Variants in CASZ1 observed in about 807,000 individuals in gnomAD.
CASZ1 encodes zinc finger protein castor homolog 1.
In CASZ1, 28 loss-of-function variants were observed where a neutral mutation model predicts 135.2. The ratio of observed to expected loss-of-function variants is 0.21; its 90% CI spans 0.15 to 0.28. The LOEUF (loss-of-function observed/expected upper bound fraction) is 0.28, where lower values mean the gene tolerates loss of function less well. CASZ1 is among the 10% of genes least tolerant of loss of function. The probability of loss-of-function intolerance (pLI) is 1.00; values close to 1 mark genes in which losing one functional copy is unlikely to be tolerated. For synonymous variants in CASZ1, 1,068 were observed against 1,073.4 expected (o/e 0.99, Z 0.10); for missense variants, 2,161 against 2,453.3 (o/e 0.88, Z 2.52).
In CASZ1 at chr1:10,694,317, C is replaced by T; in HGVS notation, c.-23-405G>A. The T allele has an allele frequency of 1.7e-5, 20 of 1,158,060 alleles. No homozygotes were observed. The highest frequency in any genetic ancestry group is 2.1e-5 in the Non-Finnish European group (19 of 915,340). 71.7% of individuals were successfully genotyped at this position (1,158,060 alleles called of 1,614,324 possible). On this transcript the variant is annotated intron_variant, in intron 3 of 20. Transcript: ENST00000377022. The surrounding 1 kb of genome is among the most constrained non-coding windows in gnomAD (Gnocchi z 6.6). Reference sequence around the variant, plus strand: ...CTCACCATAGTCGGAGAGTCGAAAGCCGAATTCACTTAAATAATCAACTTT... The same window carrying T: ...CTCACCATAGTCGGAGAGTCGAAAGTCGAATTCACTTAAATAATCAACTTT...
At chr1:10,687,467 C>T (rs919146792) in intron 4 of CASZ1, among the ~76,000 whole-genome samples, 2 of 152,250 alleles carry the variant, frequency 1.3e-5, no homozygotes, top group East Asian at 1.9e-4. Flanking sequence ...GCAGATGCCC[C>T]GGCCAGGAGT....
Position 10,655,833 on chromosome 1 carries a change from C to T in CASZ1, c.1501-20G>A, listed in dbSNP as rs771715331. On this transcript the variant is annotated intron_variant, in intron 8 of 20. Coordinates refer to ENST00000377022, the MANE Select transcript of CASZ1 (RefSeq NM_001079843.3). ...GAACCTCTGCCAGGAGACAGCGCCACGTGGGCAGGAGCCTGAGCTCCCCCT... is the reference window on the plus strand; with the variant it reads ...GAACCTCTGCCAGGAGACAGCGCCATGTGGGCAGGAGCCTGAGCTCCCCCT... 1.4e-5 allele frequency: 22 copies of T among 1,610,304 alleles called. No individual in the cohort carries two copies. Among genetic ancestry groups the T allele is most frequent in the South Asian group, 1.3e-4 (12 of 90,988 alleles).
chr1:10,657,624 A>G lies in CASZ1; in HGVS notation c.1409+884T>C, dbSNP rs1056303006. Among the ~76,000 whole-genome samples, 1 of 151,716 alleles carries G rather than the reference A, an allele frequency of 6.6e-6. No individual in the cohort carries two copies. Among genetic ancestry groups the G allele is most frequent in the Non-Finnish European group, 1.5e-5 (1 of 67,908 alleles). ...GGCAGAGCTGAAGACAGAGTGGGAC[A>G]GGGGGGCGGAGACAGTGGGATGGGG... On this transcript the variant is annotated intron_variant, in intron 7 of 20. Transcript: ENST00000377022. This position sits in a 1 kb window ranked among gnomAD's most constrained non-coding sequence, Gnocchi z 5.7.
At chr1:10,691,298 G>A (rs777739445) in intron 4 of CASZ1, among the ~76,000 whole-genome samples, 3 of 152,120 alleles carry the variant, frequency 2.0e-5, no homozygotes, top group Non-Finnish European at 2.9e-5. Context: ...TGCTAAAGAC[G>A]TCCAGATTGA....
Position 10,639,753 on chromosome 1 carries a change from T to C in CASZ1, c.4469A>G (p.Asp1490Gly). 6.3e-7 allele frequency: 1 copy of C among 1,596,718 alleles called. No individual in the cohort carries two copies. Among genetic ancestry groups the C allele is most frequent in the Middle Eastern group, 1.7e-4 (1 of 5,822 alleles). ...TGAGGCCTTGAAGCGCTTGAAGTCG[T>C]CCAGCACCAGGTTGTCCACGCGGTC... Reference protein sequence around the residue: ...HHDRVDNLVLDDFKRFKASLS... With the variant: ...HHDRVDNLVLGDFKRFKASLS... Residue 1490 changes from aspartate to glycine, a missense_variant, in exon 21 of 21, where the codon GAC becomes GGC. Coordinates refer to ENST00000377022, the MANE Select transcript of CASZ1 (RefSeq NM_001079843.3). The surrounding 1 kb of genome is among the most constrained non-coding windows in gnomAD (Gnocchi z 4.0).
chr1:10,683,240 G>A (rs1638482810), intron 4 of CASZ1, among the ~76,000 whole-genome samples: 1 of 152,144 alleles, frequency 6.6e-6, no homozygotes, highest in African/African-American at 2.4e-5. Flanking sequence ...AGTAGGTGTG[G>A]GGGAAGGGCA....
At chr1:10,683,860 T>C (rs1570470984) in intron 4 of CASZ1, among the ~76,000 whole-genome samples, 1 of 152,218 alleles carries the variant, frequency 6.6e-6, no homozygotes, top group Admixed American at 6.5e-5. Context: ...AGGGATGTGT[T>C]TGCAGACTAC....
intron 4 of CASZ1, among the ~76,000 whole-genome samples, chr1:10,667,358 C>T (rs1324088479): frequency 6.6e-6 from 1 of 152,232 alleles, no homozygotes; most frequent in Non-Finnish European, 1.5e-5. Context: ...AGCCCACTCC[C>T]AGGCCTTCCA....
At chr1:10,658,403 T>C (rs1277557257) in intron 7 of CASZ1, 105 bp downstream of exon 7, 22 of 885,284 alleles carry the variant, frequency 2.5e-5, no homozygotes, top group Non-Finnish European at 2.7e-5. Context: ...AGGAGGCAGC[T>C]ACCTTGGCCC....
At chr1:10,796,140 T>C (rs1463045333) in intron 1 of CASZ1, among the ~76,000 whole-genome samples, 1 of 151,196 alleles carries the variant, frequency 6.6e-6, no homozygotes, top group African/African-American at 2.4e-5. Context: ...CCACAGCGCG[T>C]GGGGCGCCCC....
At chr1:10,692,299 T>G (rs169537) in intron 4 of CASZ1, among the ~76,000 whole-genome samples, 2 of 152,092 alleles carry the variant, frequency 1.3e-5, no homozygotes, top group African/African-American at 4.8e-5. Flanking sequence ...GCCTGGGTCC[T>G]GTGTGCTGGC....
At position 10,706,758 on chromosome 1, in the gene CASZ1, C is replaced by T. The variant is rs914634975; in HGVS notation, c.-76-1214G>A. 6.6e-6 allele frequency among the ~76,000 whole-genome samples: 1 copy of T among 152,166 alleles called. No homozygotes were observed. Among genetic ancestry groups the T allele is most frequent in the African/African-American group, 2.4e-5 (1 of 41,432 alleles). On this transcript the variant is annotated intron_variant, in intron 2 of 20. Coordinates refer to ENST00000377022, the MANE Select transcript of CASZ1 (RefSeq NM_001079843.3). This position sits in a 1 kb window ranked among gnomAD's most constrained non-coding sequence, Gnocchi z 4.3. The stretch of plus-strand genomic sequence containing the variant: ...GGAGCCTGCCCTGCCAGATACAGGG[C>T]TCTGGGAGGGCTGAGAGCCCGGTGG...
chr1:10,697,222 A>C lies in CASZ1; in HGVS notation c.-23-3310T>G, dbSNP rs978251984. 6.6e-6 allele frequency among the ~76,000 whole-genome samples: 1 copy of C among 150,738 alleles called. No individual in the cohort carries two copies. Among genetic ancestry groups the C allele is most frequent in the African/African-American group, 2.4e-5 (1 of 41,108 alleles). On this transcript the variant is annotated intron_variant, in intron 3 of 20. Coordinates refer to ENST00000377022, the MANE Select transcript of CASZ1 (RefSeq NM_001079843.3). The surrounding 1 kb of genome is among the most constrained non-coding windows in gnomAD (Gnocchi z 4.7). ...GTATGAGTCAGAGGCTGTGTCATGGAGGGGCCCCCAGATTATGCGCCCCCC... is the reference window on the plus strand; with the variant it reads ...GTATGAGTCAGAGGCTGTGTCATGGCGGGGCCCCCAGATTATGCGCCCCCC...
chr1:10,751,223 C>T (rs72641502), intron 2 of CASZ1, among the ~76,000 whole-genome samples: 6 of 152,104 alleles, frequency 3.9e-5, no homozygotes, highest in Non-Finnish European at 8.8e-5. Context: ...AGAATCAAAA[C>T]CAGTGAGGAC....
In CASZ1 at chr1:10,762,472, G is replaced by T. The variant is rs1640396083; in HGVS notation, c.-233-1615C>A. On this transcript the variant is annotated intron_variant, in intron 1 of 20. Transcript: ENST00000377022. The surrounding 1 kb of genome is among the most constrained non-coding windows in gnomAD (Gnocchi z 4.1). ...TTAATGGAAACTTCAGGGCCACTGG[G>T]AGACTCACTCCTCTGGGCTCTGAAA... Among the ~76,000 whole-genome samples, 1 of 152,054 alleles carries T rather than the reference G, an allele frequency of 6.6e-6. No individual in the cohort carries two copies. The highest frequency in any genetic ancestry group is 1.5e-5 in the Non-Finnish European group (1 of 68,020).
chr1:10,750,065 A>G, intron 2 of CASZ1, among the ~76,000 whole-genome samples: 1 of 152,114 alleles, frequency 6.6e-6, no homozygotes, highest in East Asian at 1.9e-4. Flanking sequence ...GGGGCATTGC[A>G]TGACGAACTG....
In CASZ1 at chr1:10,660,267, T is replaced by G; in HGVS notation, c.775A>C (p.Thr259Pro). The change falls in exon 6 of 21, where the codon ACC becomes CCC. Residue 259 changes from threonine to proline, a missense_variant. Coordinates refer to ENST00000377022, the MANE Select transcript of CASZ1 (RefSeq NM_001079843.3). ...GEQLSWPAPSTKTEERVGKEV... is the reference protein window; with the variant it reads ...GEQLSWPAPSPKTEERVGKEV... ...TTGCCCACCCGCTCCTCGGTCTTGG[T>G]GCTGGGGGCCGGCCAGGAGAGCTGC... 6.2e-7 allele frequency: 1 copy of G among 1,613,840 alleles called. No homozygotes were observed. The highest frequency in any genetic ancestry group is 8.5e-7 in the Non-Finnish European group (1 of 1,179,926).
At chr1:10,743,474 C>T (rs1473744315) in intron 2 of CASZ1, among the ~76,000 whole-genome samples, 1 of 145,884 alleles carries the variant, frequency 6.9e-6, no homozygotes, top group East Asian at 2.0e-4. Flanking sequence ...TGTACCCCGG[C>T]ATCCTCCACG....
intron 12 of CASZ1, 87 bp downstream of exon 12, chr1:10,650,854 C>T: frequency 6.2e-7 from 1 of 1,603,150 alleles, no homozygotes; most frequent in Admixed American, 1.7e-5. Context: ...GCCGAGCCCG[C>T]TGCAACTGCC....
Sources: allele counts gnomAD v4.1 joint callset (sites outside exome capture counted in the v4.1 genomes callset), GRCh38; gene constraint gnomAD v4.1.1; non-coding constraint Gnocchi (gnomAD v3.1); transcripts MANE v1.5; gene names NCBI Gene and HGNC (gene_info 2026-07-23, HGNC 2026-07-21).